Variants in CAGE1 observed in about 807,000 individuals in gnomAD.
CAGE1 encodes the protein cancer-associated gene 1 protein.
In CAGE1, 66 loss-of-function variants were observed where a neutral mutation model predicts 94.9. The observed-to-expected ratio is 0.70, with a 90% confidence interval of 0.57 to 0.85. The LOEUF is 0.85. Among genes scored for constraint, CAGE1 ranks in the 40% least tolerant of loss-of-function variants. The probability of loss-of-function intolerance (pLI) is 0.00; values close to 1 mark genes in which losing one functional copy is unlikely to be tolerated. For synonymous variants in CAGE1, 319 were observed against 321.0 expected (o/e 0.99, Z 0.07); for missense variants, 865 against 950.4 (o/e 0.91, Z 1.18).
At position 7,334,041 on chromosome 6, in the gene CAGE1, C is replaced by T. The variant is rs755626566; in HGVS notation, c.2419G>A (p.Glu807Lys). The change falls in exon 12 of 14, where the codon GAA becomes AAA. Residue 807 changes from glutamate to lysine, a missense_variant. Transcript: ENST00000502583. Reference protein sequence around the residue: ...HLEDLIRKPREKARKPRSKSL... With the variant: ...HLEDLIRKPRKKARKPRSKSL... ...ACTTACCTTGGTTTTCTGGCTTTTT[C>T]TCTGGGCTTTCTAATTAAATCCTCT... 3.9e-6 allele frequency: 6 copies of T among 1,533,038 alleles called. No homozygotes were observed. The highest frequency in any genetic ancestry group is 5.3e-6 in the Non-Finnish European group (6 of 1,131,864). The allele number at this position is 1,533,038 out of a possible 1,614,324, so 95.0% of individuals were successfully genotyped here.
rs139831108 is a variant in CAGE1, at chr6:7,346,108, A to C, written c.2369+8933T>G. Among the ~76,000 whole-genome samples, 276 of 152,344 alleles carry C rather than the reference A, an allele frequency of 1.8e-3. 2 individuals carry two copies. The highest frequency in any genetic ancestry group is 3.2e-3 in the Non-Finnish European group (221 of 68,042). ...CCTATAAAGTGAGAGCAAGTTTATCAAGAAATAAAGGAATAAAAGAATGGC... is the reference window on the plus strand; with the variant it reads ...CCTATAAAGTGAGAGCAAGTTTATCCAGAAATAAAGGAATAAAAGAATGGC... On this transcript the variant is annotated intron_variant, in intron 11 of 13. Transcript: ENST00000502583.
At chr6:7,366,956 T>C (rs982638457) in intron 7 of CAGE1, among the ~76,000 whole-genome samples, 1 of 152,208 alleles carries the variant, frequency 6.6e-6, no homozygotes, top group Non-Finnish European at 1.5e-5. Context: ...TATTTATTCC[T>C]TCAGTATAAT....
Position 7,373,236 on chromosome 6 carries a change from G to T in CAGE1, c.1583C>A (p.Thr528Lys). ...TTGCTGCTGAAGTTTTATATTCTTC[G>T]TTCTTTCATTTTCAGACATAAATTG... ...NLQFMSENER[T>K]KNIKLQQQIN... The change falls in exon 5 of 14, where the codon ACG (threonine) becomes AAG (lysine). Residue 528 changes from threonine to lysine, a missense_variant. Thr to Lys is a moderately conservative substitution (Grantham distance 78). Transcript: ENST00000502583. The T allele has an allele frequency of 6.2e-7, 1 of 1,607,080 alleles. No individual in the cohort carries two copies. The highest frequency in any genetic ancestry group is 8.5e-7 in the Non-Finnish European group (1 of 1,176,096).
At chr6:7,357,137 C>T (rs1419744097) in intron 9 of CAGE1, among the ~76,000 whole-genome samples, 1 of 151,412 alleles carries the variant, frequency 6.6e-6, no homozygotes, top group Admixed American at 6.6e-5. Flanking sequence ...AGTGAAGAAC[C>T]CTAGAGGAAT....
chr6:7,352,171 C>A (rs1164644598), intron 11 of CAGE1, among the ~76,000 whole-genome samples: 1 of 151,706 alleles, frequency 6.6e-6, no homozygotes, highest in East Asian at 1.9e-4. Context: ...AACTGACAAA[C>A]GAATTCAGCA....
intron 12 of CAGE1, among the ~76,000 whole-genome samples, chr6:7,331,890 T>C (rs1758767055): frequency 2.0e-5 from 3 of 152,186 alleles, no homozygotes; most frequent in African/African-American, 7.2e-5. Flanking sequence ...TTAATTTTGG[T>C]CTTCCATTTC....
intron 11 of CAGE1, among the ~76,000 whole-genome samples, chr6:7,345,175 C>T (rs566898185): frequency 2.1e-3 from 304 of 141,906 alleles, no homozygotes; most frequent in Middle Eastern, 6.9e-3. Flanking sequence ...GGAGCTATGA[C>T]ACTCCTTGTG....
chr6:7,365,328 G>A, intron 9 of CAGE1, 140 bp downstream of exon 9: 1 of 627,686 alleles, frequency 1.6e-6, no homozygotes, highest in Non-Finnish European at 2.7e-6. Context: ...ATATTATTGT[G>A]GGTAAATAAT....
intron 12 of CAGE1, among the ~76,000 whole-genome samples, chr6:7,332,944 C>CTTTT (rs549891147): frequency 1.3e-5 from 2 of 149,594 alleles, no homozygotes; most frequent in Non-Finnish European, 3.0e-5. Context: ...CTGCTGTGTT[C>CTTTT]TTTTTTTTTT....
At position 7,328,925 on chromosome 6, in the gene CAGE1, TA is replaced by T. The variant is rs1266068679; in HGVS notation, c.2478+923del. The stretch of plus-strand genomic sequence containing the variant: ...GTGTGTGTGTGTGTGTGTGTATATA[TA>T]TATATATATTTTTTTTTTTTTTTGA... On this transcript the variant is annotated intron_variant, in intron 13 of 13. Transcript: ENST00000502583. Among the ~76,000 whole-genome samples the T allele has an allele frequency of 7.7e-3, 781 of 100,962 alleles. 13 individuals carry two copies. The highest frequency in any genetic ancestry group is 0.022 in the South Asian group (50 of 2,246). The allele number at this position is 100,962 out of a possible 152,430, so 66.2% of individuals were successfully genotyped here.
chr6:7,387,633 A>C (rs547522406), intron 1 of CAGE1, among the ~76,000 whole-genome samples: 1 of 152,090 alleles, frequency 6.6e-6, no homozygotes, highest in Non-Finnish European at 1.5e-5. Context: ...TCCCTCAGGT[A>C]CATGTGTTTG....
intron 11 of CAGE1, chr6:7,341,004 C>G (rs1759151103): frequency 4.4e-6 from 2 of 452,072 alleles, no homozygotes; most frequent in African/African-American, 2.0e-5. Flanking sequence ...GAGAGAGGAG[C>G]TGTTGCTCTT....
chr6:7,356,210 A>C, intron 9 of CAGE1, 81 bp from the exon 10 acceptor site: 2 of 732,396 alleles, frequency 2.7e-6, no homozygotes, highest in Non-Finnish European at 4.7e-6. Flanking sequence ...AAATGAGAAA[A>C]CTGAGCAATA....
chr6:7,343,643 G>A (rs575656072), intron 11 of CAGE1, among the ~76,000 whole-genome samples: 51 of 152,278 alleles, frequency 3.3e-4, no homozygotes, highest in African/African-American at 1.2e-3. Context: ...GACTCTGTTG[G>A]CATTCTGTGG....
In CAGE1 at chr6:7,378,770, A is replaced by C; in HGVS notation, c.534T>G (p.Leu178=). The part of the protein sequence containing the change: ...ETSVSANTDQ[L]GNEYFRQPPP... ...GAGGCTGTCTAAAATACTCGTTACC[A>C]AGTTGGTCTGTATTTGCAGAAACAC... The change falls in exon 4 of 14, where the codon CTT becomes CTG. Residue 178 remains leucine (L), a synonymous_variant. Coordinates refer to ENST00000502583, the MANE Select transcript of CAGE1 (RefSeq NM_001170692.2). 1 of 1,613,938 alleles carries C rather than the reference A, an allele frequency of 6.2e-7. No individual in the cohort carries two copies.
intron 11 of CAGE1, among the ~76,000 whole-genome samples, chr6:7,349,285 T>C (rs1759682009): frequency 6.6e-6 from 1 of 152,164 alleles, no homozygotes; most frequent in Non-Finnish European, 1.5e-5. Flanking sequence ...AATTATCAGC[T>C]AGGAATTTTG....
intron 10 of CAGE1, 81 bp from the exon 11 acceptor site, chr6:7,355,192 T>C: frequency 1.2e-6 from 1 of 864,890 alleles, no homozygotes; most frequent in Non-Finnish European, 1.8e-6. Context: ...AAGTTGAAGC[T>C]TAATTATCTG....
intron 11 of CAGE1, among the ~76,000 whole-genome samples, chr6:7,345,101 C>G (rs555580864): frequency 2.0e-5 from 3 of 152,144 alleles, no homozygotes; most frequent in South Asian, 2.1e-4. Context: ...TAAATCTTAA[C>G]TCTTGTTGCT....
chr6:7,388,022 G>C (rs1761184939), intron 1 of CAGE1, among the ~76,000 whole-genome samples: 1 of 106,038 alleles, frequency 9.4e-6, no homozygotes, highest in African/African-American at 3.6e-5. Flanking sequence ...GACAGAGCAA[G>C]ACTCCATCTC....
Sources: allele counts gnomAD v4.1 joint callset (sites outside exome capture counted in the v4.1 genomes callset), GRCh38; gene constraint gnomAD v4.1.1; transcripts MANE v1.5; gene names NCBI Gene and HGNC (gene_info 2026-07-23, HGNC 2026-07-21).